Variants in RIMS2 observed in about 807,000 individuals in gnomAD.
RIMS2 encodes the protein regulating synaptic membrane exocytosis 2.
RIMS2 carries 59 observed loss-of-function variants against 174.4 expected under a neutral mutation model. The ratio of observed to expected loss-of-function variants is 0.34; its 90% CI spans 0.27 to 0.42. The LOEUF is 0.42. RIMS2 is among the 10% of genes least tolerant of loss of function. The pLI, the probability that RIMS2 is intolerant of heterozygous loss-of-function variation, is 1.00. For missense variants in RIMS2, 1,620 were observed against 1,666.3 expected (o/e 0.97, Z 0.48); for synonymous variants, 606 against 572.5 (o/e 1.06, Z -0.84).
chr8:103,674,591 T>G (rs559700862), intron 1 of RIMS2, among the ~76,000 whole-genome samples: 32 of 152,132 alleles, frequency 2.1e-4, no homozygotes, highest in Non-Finnish European at 4.1e-4. Context: ...TTTTTATGCC[T>G]TTACAACTTT....
intron 4 of RIMS2, among the ~76,000 whole-genome samples, chr8:103,897,378 G>A (rs1198337089): frequency 1.3e-5 from 2 of 151,694 alleles, no homozygotes; most frequent in African/African-American, 4.9e-5. Context: ...CAGGCATGAT[G>A]TTTGTCCTCC....
Position 104,059,459 on chromosome 8 carries a change from G to T in RIMS2, c.3334+44844G>T, listed in dbSNP as rs1261331153. On this transcript the variant is annotated intron_variant, in intron 19 of 23. Coordinates refer to ENST00000504942, the Ensembl canonical transcript of RIMS2. ...TGCTGAAGTTGCTTACCAGCTTAAG[G>T]AGATTTTGGGCTGAGACAATGGGGT... 2.0e-5 allele frequency among the ~76,000 whole-genome samples: 3 copies of T among 151,284 alleles called. No individual in the cohort carries two copies. In the South Asian group the frequency reaches 6.3e-4, roughly 32 times the overall value.
intron 3 of RIMS2, among the ~76,000 whole-genome samples, chr8:103,832,067 T>C (rs1049715920): frequency 1.3e-5 from 2 of 152,222 alleles, no homozygotes; most frequent in African/African-American, 2.4e-5. Context: ...TACAAAAACA[T>C]CTTATTTGAT....
At chr8:103,770,412 C>A (rs1482306894) in intron 3 of RIMS2, among the ~76,000 whole-genome samples, 1 of 152,122 alleles carries the variant, frequency 6.6e-6, no homozygotes, top group Admixed American at 6.5e-5. Context: ...CCCGTCTTTA[C>A]TAAAAATACA....
intron 19 of RIMS2, among the ~76,000 whole-genome samples, chr8:104,015,042 A>G (rs1454780852): frequency 6.6e-6 from 1 of 152,160 alleles, no homozygotes; most frequent in Non-Finnish European, 1.5e-5. Flanking sequence ...AACAAGAAAA[A>G]GGTAATCATG....
At chr8:103,883,927 AC>A (rs773023458) in intron 3 of RIMS2, among the ~76,000 whole-genome samples, 7 of 151,682 alleles carry the variant, frequency 4.6e-5, no homozygotes, top group Non-Finnish European at 1.0e-4. Context: ...CATTTTGAGA[AC>A]CCTTGTCTTT....
intron 19 of RIMS2, among the ~76,000 whole-genome samples, 157 bp downstream of exon 23, chr8:104,068,769 C>A (rs2097147012): frequency 6.6e-6 from 1 of 152,078 alleles, no homozygotes; most frequent in Admixed American, 6.6e-5. Context: ...TTGTATACCG[C>A]TCTTAGCAAT....
intron 19 of RIMS2, among the ~76,000 whole-genome samples, chr8:104,175,771 G>A (rs987270707): frequency 4.6e-5 from 7 of 152,054 alleles, no homozygotes; most frequent in African/African-American, 1.7e-4. Context: ...CACCTTAGAG[G>A]AATTCTTTCT....
At chr8:103,527,029 T>C (rs1246312265) in intron 1 of RIMS2, among the ~76,000 whole-genome samples, 1 of 152,182 alleles carries the variant, frequency 6.6e-6, no homozygotes, top group Non-Finnish European at 1.5e-5. Flanking sequence ...TGTAGCCATT[T>C]TCAAAGTATC....
intron 1 of RIMS2, among the ~76,000 whole-genome samples, chr8:103,519,638 A>G (rs1165497364): frequency 1.3e-5 from 2 of 151,986 alleles, no homozygotes; most frequent in Admixed American, 6.6e-5. Context: ...GTCACTTAAA[A>G]TAAGCAGTGC....
chr8:104,187,230 A>T (rs1440522415), intron 19 of RIMS2, among the ~76,000 whole-genome samples: 1 of 151,772 alleles, frequency 6.6e-6, no homozygotes, highest in Non-Finnish European at 1.5e-5. Flanking sequence ...AAATATGGAA[A>T]CTGTTCTTAT....
intron 1 of RIMS2, among the ~76,000 whole-genome samples, chr8:103,539,691 GTA>G (rs941858886): frequency 6.6e-6 from 1 of 152,164 alleles, no homozygotes; most frequent in African/African-American, 2.4e-5. Flanking sequence ...CTACACAGCT[GTA>G]TATTCTTCTC....
rs559295763 is a variant in RIMS2, at chr8:104,029,115, G to A, written c.3334+14500G>A. Among the ~76,000 whole-genome samples the A allele has an allele frequency of 2.6e-5, 4 of 152,270 alleles. No homozygotes were observed. The South Asian group carries it at 8.3e-4, about 32-fold the overall frequency. The stretch of plus-strand genomic sequence containing the variant: ...GCCATGCCATTTGTAAACTGAAATG[G>A]CACTGGAGTAAGTGCCTTTTAGCAT... On this transcript the variant is annotated intron_variant, in intron 19 of 23. Coordinates refer to ENST00000504942, the Ensembl canonical transcript of RIMS2.
At chr8:104,102,730 C>T (rs948796329) in intron 19 of RIMS2, among the ~76,000 whole-genome samples, 2 of 152,106 alleles carry the variant, frequency 1.3e-5, no homozygotes, top group Admixed American at 6.5e-5. Context: ...AGGGAAATGC[C>T]CTTTATAAAA....
chr8:104,035,050 T>A (rs1042333945), intron 19 of RIMS2, among the ~76,000 whole-genome samples: 7 of 152,196 alleles, frequency 4.6e-5, no homozygotes, highest in African/African-American at 1.7e-4. Context: ...CCAAAATTAG[T>A]CTTAGAAACT....
chr8:104,125,086 A>G (rs536524695), intron 19 of RIMS2, among the ~76,000 whole-genome samples: 20 of 152,182 alleles, frequency 1.3e-4, no homozygotes, highest in Admixed American at 4.6e-4. Context: ...ACTAAAATCC[A>G]AACAGTATAT....
intron 19 of RIMS2, among the ~76,000 whole-genome samples, chr8:104,215,606 T>C (rs907630230): frequency 4.6e-5 from 7 of 152,194 alleles, no homozygotes; most frequent in African/African-American, 1.7e-4. Flanking sequence ...ATATAAGAAG[T>C]TGCTAGGTGA....
chr8:103,883,433 A>C (rs1017567693), intron 3 of RIMS2, among the ~76,000 whole-genome samples: 1 of 151,904 alleles, frequency 6.6e-6, no homozygotes, highest in East Asian at 1.9e-4. Flanking sequence ...GCACACACAC[A>C]TATACACAGA....
At chr8:104,251,729 C>A (rs775299826) in exon 24 of RIMS2, 2 of 1,612,048 alleles carry the variant, frequency 1.2e-6, no homozygotes, top group Admixed American at 3.3e-5. Flanking sequence ...CCACCTTCCT[C>A]CCTAGTAGAT....
Sources: allele counts gnomAD v4.1 joint callset (sites outside exome capture counted in the v4.1 genomes callset), GRCh38; gene constraint gnomAD v4.1.1; transcripts MANE v1.5; gene names NCBI Gene and HGNC (gene_info 2026-07-23, HGNC 2026-07-21).